ANKRD11: variants seen among roughly 807,000 people sequenced by gnomAD.
ANKRD11 encodes the protein ankyrin repeat domain 11.
A neutral mutation model predicts 195.7 loss-of-function variants in ANKRD11; 17 were observed. That is an observed-to-expected ratio of 0.09 (90% CI 0.06 to 0.13). The LOEUF is 0.13. Ranked by LOEUF, ANKRD11 falls within the 10% of genes least tolerant of loss-of-function variation. The pLI is 1.00. For missense variants in ANKRD11, 3,735 were observed against 3,566.1 expected, an observed-to-expected ratio of 1.05 and a Z score of -1.21; for synonymous variants, 1,953 against 1,528.1, an observed-to-expected ratio of 1.28 and a Z score of -6.49.
At chr16:89,460,111 G>A (rs924453664) in intron 1 of ANKRD11, among the ~76,000 whole-genome samples, 17 of 151,680 alleles carry the variant, frequency 1.1e-4, no homozygotes, top group East Asian at 7.7e-4. Context: ...GGTGGTGTGC[G>A]CCTGTAATCC....
chr16:89,355,223 A>AC (rs1192109430), intron 2 of ANKRD11, among the ~76,000 whole-genome samples: 1 of 152,102 alleles, frequency 6.6e-6, no homozygotes, highest in East Asian at 1.9e-4. Context: ...CAGAGGGCTC[A>AC]CGGAGGGAGG....
At chr16:89,392,157 C>T (rs2041227818) in intron 2 of ANKRD11, among the ~76,000 whole-genome samples, 1 of 152,218 alleles carries the variant, frequency 6.6e-6, no homozygotes, top group Admixed American at 6.5e-5. Context: ...AAAAACCGGA[C>T]ACAGCGTCAG....
rs775473618 is a variant in ANKRD11 at position 89,287,147 on chromosome 16, G to A, written c.745-961C>T. The A allele has an allele frequency of 1.6e-5, 21 of 1,283,742 alleles. 2 individuals carry two copies. The South Asian group carries it at 2.6e-4, about 16-fold the overall frequency. 79.5% of individuals were successfully genotyped at this position (1,283,742 alleles called of 1,614,324 possible). On this transcript the variant is annotated intron_variant, in intron 7 of 12. Coordinates refer to ENST00000301030, the MANE Select transcript of ANKRD11 (RefSeq NM_013275.6). ...AGAATTCAGTTTCTTGCAGGGCTGG[G>A]ACGGAGGTCCCCAGTCCCAGCTGCT...
chr16:89,403,237 C>A (rs1282272440), intron 2 of ANKRD11, among the ~76,000 whole-genome samples: 1 of 152,206 alleles, frequency 6.6e-6, no homozygotes, highest in Non-Finnish European at 1.5e-5. Flanking sequence ...CGGGCACTGA[C>A]AGGAAGTATC....
intron 1 of ANKRD11, among the ~76,000 whole-genome samples, chr16:89,469,724 CCG>C (rs1180202135): frequency 1.3e-5 from 2 of 150,328 alleles, no homozygotes; most frequent in East Asian, 4.3e-4. Context: ...CGGTGAAACC[CCG>C]TCTCTACTAA....
chr16:89,417,208 A>C (rs2042345047), intron 2 of ANKRD11, among the ~76,000 whole-genome samples: 1 of 152,200 alleles, frequency 6.6e-6, no homozygotes, highest in Non-Finnish European at 1.5e-5. Context: ...TGAGATAAGG[A>C]ACAGATACAC....
chr16:89,471,170 A>G (rs140582136), intron 1 of ANKRD11, among the ~76,000 whole-genome samples: 1 of 151,928 alleles, frequency 6.6e-6, no homozygotes, highest in South Asian at 2.1e-4. Flanking sequence ...CTGACAGCAG[A>G]GTGAGACCCC....
At chr16:89,348,632 A>G (rs747706609) in intron 2 of ANKRD11, among the ~76,000 whole-genome samples, 1 of 152,238 alleles carries the variant, frequency 6.6e-6, no homozygotes, top group Non-Finnish European at 1.5e-5. Context: ...TAATAGATAC[A>G]GGACTATTTA....
intron 4 of ANKRD11, among the ~76,000 whole-genome samples, chr16:89,301,974 C>G (rs1375274515): frequency 6.6e-6 from 1 of 152,156 alleles, no homozygotes; most frequent in Non-Finnish European, 1.5e-5. Context: ...CGGTGGTGAC[C>G]CTGCATCCCT....
intron 2 of ANKRD11, among the ~76,000 whole-genome samples, chr16:89,363,492 AAG>A (rs1474169465): frequency 1.3e-4 from 20 of 151,656 alleles, no homozygotes; most frequent in Non-Finnish European, 2.9e-4. Flanking sequence ...AAAAAAAAAA[AAG>A]ATTCAGTCTT....
chr16:89,417,076 T>C (rs1393869659), intron 2 of ANKRD11, among the ~76,000 whole-genome samples: 2 of 152,194 alleles, frequency 1.3e-5, no homozygotes, highest in Non-Finnish European at 2.9e-5. Flanking sequence ...ATTCTAGACC[T>C]ATTTTCAAGG....
At chr16:89,378,392 C>T (rs1055694343) in intron 2 of ANKRD11, among the ~76,000 whole-genome samples, 3 of 152,140 alleles carry the variant, frequency 2.0e-5, no homozygotes, top group African/African-American at 4.8e-5. Flanking sequence ...ATTTCATCAA[C>T]GTGTATGTCA....
At chr16:89,461,184 C>A (rs2056652370) in intron 1 of ANKRD11, among the ~76,000 whole-genome samples, 1 of 117,910 alleles carries the variant, frequency 8.5e-6, no homozygotes, top group Non-Finnish European at 1.8e-5. Flanking sequence ...CGTATGACCC[C>A]CCCCCCCCCC....
In ANKRD11 at chr16:89,283,512, C is replaced by T. The variant is rs767753260; in HGVS notation, c.3030G>A (p.Glu1010=). Residue 1010 remains glutamate, a synonymous_variant, in exon 9 of 13, where the codon GAG becomes GAA. Transcript: ENST00000301030. This position sits in a 1 kb window ranked among gnomAD's most constrained non-coding sequence, Gnocchi z 4.3. ...WERHHPAREK[E]KKDGPDKERK... Reference sequence around the variant, plus strand: ...TTTCCTTATCGGGGCCATCCTTCTTCTCCTTCTCTCGTGCTGGGTGGTGCC... The same window carrying T: ...TTTCCTTATCGGGGCCATCCTTCTTTTCCTTCTCTCGTGCTGGGTGGTGCC... 6.2e-7 allele frequency: 1 copy of T among 1,613,746 alleles called. No homozygotes were observed. The highest frequency in any genetic ancestry group is 8.5e-7 in the Non-Finnish European group (1 of 1,180,062).
chr16:89,368,372 T>TG (rs1567708747), intron 2 of ANKRD11, among the ~76,000 whole-genome samples: 7 of 3,482 alleles, frequency 2.0e-3, no homozygotes, highest in South Asian at 6.3e-3. Flanking sequence ...AATTTTTGTG[T>TG]TTTTTTTTTT....
chr16:89,390,287 G>A (rs919424300), intron 2 of ANKRD11, among the ~76,000 whole-genome samples: 17 of 147,096 alleles, frequency 1.2e-4, no homozygotes, highest in Admixed American at 3.4e-4. Context: ...CGAGAGAGAA[G>A]ATCACTGGGG....
Position 89,358,488 on chromosome 16 carries a change from G to A in ANKRD11, c.-59-41410C>T, listed in dbSNP as rs528082554. 2.6e-5 allele frequency among the ~76,000 whole-genome samples: 4 copies of A among 152,336 alleles called. No individual in the cohort carries two copies. The South Asian group carries it at 8.3e-4, about 32-fold the overall frequency. Reference sequence around the variant, plus strand: ...TTGTTTACAACACAAAGGATAACTAGTTGAGAAGATGGATACCCCGTTTTC... The same window carrying A: ...TTGTTTACAACACAAAGGATAACTAATTGAGAAGATGGATACCCCGTTTTC... On this transcript the variant is annotated intron_variant, in intron 2 of 12. Transcript: ENST00000301030.
At chr16:89,439,856 A>C (rs2043370607) in intron 1 of ANKRD11, among the ~76,000 whole-genome samples, 1 of 152,196 alleles carries the variant, frequency 6.6e-6, no homozygotes, top group Non-Finnish European at 1.5e-5. Flanking sequence ...CTCAACTCTA[A>C]CACTACCCAC....
intron 1 of ANKRD11, among the ~76,000 whole-genome samples, chr16:89,473,976 CTT>C (rs1466408385): frequency 1.3e-5 from 2 of 152,216 alleles, no homozygotes; most frequent in African/African-American, 4.8e-5. Context: ...GCAGAAGACT[CTT>C]TGCTGTTTTG....
Sources: allele counts gnomAD v4.1 joint callset (sites outside exome capture counted in the v4.1 genomes callset), GRCh38; gene constraint gnomAD v4.1.1; non-coding constraint Gnocchi (gnomAD v3.1); transcripts MANE v1.5; gene names NCBI Gene and HGNC (gene_info 2026-07-23, HGNC 2026-07-21).